VWC2L: variants seen among roughly 807,000 people sequenced by gnomAD.
The protein encoded by VWC2L is von Willebrand factor C domain-containing protein 2-like.
VWC2L carries 10 observed loss-of-function variants against 21.6 expected under a neutral mutation model. That is an observed-to-expected ratio of 0.46 (90% CI 0.29 to 0.78). The LOEUF is 0.78. VWC2L is among the 30% of genes least tolerant of loss of function. The pLI, the probability that VWC2L is intolerant of heterozygous loss-of-function variation, is 0.10. For synonymous variants in VWC2L, 96 were observed against 94.3 expected, an observed-to-expected ratio of 1.02 and a Z score of -0.10; for missense variants, 209 against 277.1, an observed-to-expected ratio of 0.75 and a Z score of 1.74.
At chr2:214,555,515 G>A (rs1689860331) in intron 3 of VWC2L, among the ~76,000 whole-genome samples, 1 of 151,988 alleles carries the variant, frequency 6.6e-6, no homozygotes, top group African/African-American at 2.4e-5. Flanking sequence ...GCTATCTCTG[G>A]CACATATGAA....
chr2:214,536,028 A>G (rs61210922), intron 3 of VWC2L, among the ~76,000 whole-genome samples: 7,270 of 152,172 alleles, frequency 0.048, 568 homozygotes, highest in African/African-American at 0.17. Flanking sequence ...AGGGGAAATC[A>G]AAGTGTTTCT....
intron 3 of VWC2L, among the ~76,000 whole-genome samples, chr2:214,532,530 T>C (rs1017871768): frequency 6.6e-6 from 1 of 152,164 alleles, no homozygotes; most frequent in African/African-American, 2.4e-5. Context: ...GAAATGTCTT[T>C]TACATTCACT....
At chr2:214,486,836 A>G (rs1688679066) in intron 3 of VWC2L, among the ~76,000 whole-genome samples, 1 of 152,230 alleles carries the variant, frequency 6.6e-6, no homozygotes, top group African/African-American at 2.4e-5. Context: ...AGCAGAATTC[A>G]TAGCTTCCAA....
At chr2:214,470,441 G>T (rs1479300216) in intron 3 of VWC2L, among the ~76,000 whole-genome samples, 1 of 151,954 alleles carries the variant, frequency 6.6e-6, no homozygotes, top group Non-Finnish European at 1.5e-5. Flanking sequence ...TATTTTATAG[G>T]ATTTAATTTG....
chr2:214,525,531 A>G (rs1324940825), intron 3 of VWC2L, among the ~76,000 whole-genome samples: 1 of 152,138 alleles, frequency 6.6e-6, no homozygotes, highest in African/African-American at 2.4e-5. Context: ...CCTTAAAAAG[A>G]TGATGTGAAT....
chr2:214,413,792 G>A lies in VWC2L; in HGVS notation c.-80-322G>A, dbSNP rs188272292. Reference sequence around the variant, plus strand: ...TCAAATATTCTTGAGCTATTTGTAAGTTACTCCTTGGATCACATTTTGGGG... The same window carrying A: ...TCAAATATTCTTGAGCTATTTGTAAATTACTCCTTGGATCACATTTTGGGG... On this transcript the variant is annotated intron_variant, in intron 1 of 3. Transcript: ENST00000312504. Among the ~76,000 whole-genome samples, 1,160 of 152,212 alleles carry A rather than the reference G, an allele frequency of 7.6e-3. 8 individuals carry two copies. Among genetic ancestry groups the A allele is most frequent in the Non-Finnish European group, 0.013 (890 of 67,998 alleles).
chr2:214,412,423 T>A (rs941583941), intron 1 of VWC2L, among the ~76,000 whole-genome samples: 1 of 152,138 alleles, frequency 6.6e-6, no homozygotes, highest in East Asian at 1.9e-4. Flanking sequence ...TTATGCTTTT[T>A]CAGAAGCTTC....
intron 3 of VWC2L, among the ~76,000 whole-genome samples, chr2:214,443,567 C>G (rs539974038): frequency 1.1e-4 from 17 of 152,132 alleles, no homozygotes; most frequent in African/African-American, 4.1e-4. Context: ...CCTTGTTAGT[C>G]ATTTGAGGAG....
chr2:214,480,586 C>T (rs1688588075), intron 3 of VWC2L, among the ~76,000 whole-genome samples: 1 of 152,108 alleles, frequency 6.6e-6, no homozygotes, highest in East Asian at 1.9e-4. Context: ...TGTAGCACTT[C>T]TTGGTGTCAG....
chr2:214,501,588 G>A (rs1481488267), intron 3 of VWC2L, among the ~76,000 whole-genome samples: 2 of 152,222 alleles, frequency 1.3e-5, no homozygotes, highest in East Asian at 3.9e-4. Flanking sequence ...AGGGCATGGT[G>A]GTGGGTGCCT....
chr2:214,451,379 T>C (rs1188681106), intron 3 of VWC2L, among the ~76,000 whole-genome samples: 1 of 148,330 alleles, frequency 6.7e-6, no homozygotes, highest in African/African-American at 2.5e-5. Flanking sequence ...TCTACTAAGA[T>C]AAGAAGAAAG....
intron 3 of VWC2L, among the ~76,000 whole-genome samples, chr2:214,573,730 G>GGAGCTT (rs1690187015): frequency 6.6e-6 from 1 of 152,220 alleles, no homozygotes. Flanking sequence ...CCAGGGAGCT[G>GGAGCTT]TAGACCCAAA....
intron 3 of VWC2L, among the ~76,000 whole-genome samples, chr2:214,508,662 T>G (rs1175333208): frequency 6.6e-6 from 1 of 152,216 alleles, no homozygotes; most frequent in Non-Finnish European, 1.5e-5. Context: ...ATCCTTGACT[T>G]TTCTTCTAAG....
intron 3 of VWC2L, among the ~76,000 whole-genome samples, chr2:214,462,020 C>T (rs1268169541): frequency 6.6e-6 from 1 of 152,196 alleles, no homozygotes; most frequent in African/African-American, 2.4e-5. Context: ...CATCGCATTA[C>T]TGTAGCCCTC....
intron 3 of VWC2L, among the ~76,000 whole-genome samples, chr2:214,471,078 T>C (rs1302525839): frequency 6.6e-6 from 1 of 152,192 alleles, no homozygotes; most frequent in Non-Finnish European, 1.5e-5. Flanking sequence ...CAAGGGTATT[T>C]CAATGATTTC....
At chr2:214,554,695 A>G (rs1434381366) in intron 3 of VWC2L, among the ~76,000 whole-genome samples, 1 of 152,102 alleles carries the variant, frequency 6.6e-6, no homozygotes, top group Non-Finnish European at 1.5e-5. Context: ...ACAAAGCAAA[A>G]CAAATTCAGG....
intron 3 of VWC2L, among the ~76,000 whole-genome samples, chr2:214,484,656 T>C (rs1221759966): frequency 1.3e-5 from 2 of 152,240 alleles, no homozygotes; most frequent in Admixed American, 6.5e-5. Context: ...AGATATGGCA[T>C]CGGGCAGAAA....
At chr2:214,571,346 T>C (rs536601973) in intron 3 of VWC2L, among the ~76,000 whole-genome samples, 11 of 152,190 alleles carry the variant, frequency 7.2e-5, no homozygotes, top group Non-Finnish European at 1.5e-4. Context: ...ATCTGTGAGG[T>C]TCAGTGTCCT....
At chr2:214,529,378 C>T (rs1689396423) in intron 3 of VWC2L, among the ~76,000 whole-genome samples, 1 of 152,158 alleles carries the variant, frequency 6.6e-6, no homozygotes. Flanking sequence ...GTGACAGGTT[C>T]AGTATGTCCC....
Sources: gnomAD v4.1 joint callset for allele counts (sites outside exome capture counted in the v4.1 genomes callset) on GRCh38, gnomAD v4.1.1 for gene constraint, MANE v1.5 for transcripts, NCBI Gene and HGNC (gene_info 2026-07-23, HGNC 2026-07-21) for gene names.